The following STPG1 variants were observed in gnomAD, a reference collection of about 807,000 sequenced individuals.
STPG1 encodes the protein O(6)-methylguanine-induced apoptosis 2.
STPG1 carries 33 observed loss-of-function variants against 40.1 expected under a neutral mutation model. The ratio of observed to expected loss-of-function variants is 0.82; its 90% CI spans 0.62 to 1.10. The LOEUF is 1.10. Among genes scored for constraint, STPG1 ranks in the 50% least tolerant of loss-of-function variants. STPG1 has a pLI of 0.00. For synonymous variants in STPG1, 150 were observed against 155.0 expected (o/e 0.97, Z 0.24); for missense variants, 396 against 415.1 (o/e 0.95, Z 0.40).
At chr1:24,412,445 T>C (rs931984021) in intron 1 of STPG1, among the ~76,000 whole-genome samples, 9 of 152,216 alleles carry the variant, frequency 5.9e-5, no homozygotes, top group African/African-American at 2.2e-4. Flanking sequence ...CTGCTTTATC[T>C]TTTTCAAAGC....
chr1:24,396,970 G>C (rs1643031533), intron 2 of STPG1, among the ~76,000 whole-genome samples: 1 of 152,006 alleles, frequency 6.6e-6, no homozygotes, highest in Non-Finnish European at 1.5e-5. Flanking sequence ...TCAGAAATAA[G>C]TTAAAAGTAA....
At chr1:24,397,985 G>A (rs901485628) in intron 2 of STPG1, among the ~76,000 whole-genome samples, 8 of 152,054 alleles carry the variant, frequency 5.3e-5, no homozygotes, top group Non-Finnish European at 1.2e-4. Flanking sequence ...TAGATCATAT[G>A]TTTAACTTTT....
chr1:24,385,068 C>T (rs1029916549), intron 3 of STPG1, among the ~76,000 whole-genome samples: 12 of 152,202 alleles, frequency 7.9e-5, no homozygotes, highest in Non-Finnish European at 1.8e-4. Flanking sequence ...GACTCCAGAG[C>T]TTGCTGTCTC....
At chr1:24,394,201 G>A (rs1184080560) in intron 2 of STPG1, among the ~76,000 whole-genome samples, 2 of 152,178 alleles carry the variant, frequency 1.3e-5, no homozygotes, top group Non-Finnish European at 2.9e-5. Flanking sequence ...GAGTCACAGC[G>A]GGAAAACCTC....
At chr1:24,409,082 C>T (rs1280857700) in intron 1 of STPG1, among the ~76,000 whole-genome samples, 4 of 152,158 alleles carry the variant, frequency 2.6e-5, no homozygotes, top group Admixed American at 6.5e-5. Flanking sequence ...AAAGCAGCCC[C>T]TAGGGCTGGG....
chr1:24,370,825 T>C (rs1220351296), intron 6 of STPG1, among the ~76,000 whole-genome samples: 1 of 151,942 alleles, frequency 6.6e-6, no homozygotes, highest in Non-Finnish European at 1.5e-5. Flanking sequence ...CTCATTATTT[T>C]ACCCAGGCTG....
chr1:24,394,095 G>A (rs1466796378), intron 2 of STPG1, among the ~76,000 whole-genome samples: 1 of 152,198 alleles, frequency 6.6e-6, no homozygotes, highest in Non-Finnish European at 1.5e-5. Flanking sequence ...CATGGCATGA[G>A]AAAACTACCC....
intron 1 of STPG1, among the ~76,000 whole-genome samples, chr1:24,411,037 T>C (rs76756297): frequency 0.023 from 3,562 of 152,278 alleles, 143 homozygotes; most frequent in African/African-American, 0.081. Flanking sequence ...CCTCTTAGGC[T>C]GATCCATGTG....
chr1:24,406,129 GTC>G (rs1643405897), intron 1 of STPG1, among the ~76,000 whole-genome samples: 1 of 151,820 alleles, frequency 6.6e-6, no homozygotes, highest in African/African-American at 2.4e-5. Context: ...ATTGGCCCTT[GTC>G]TCTTTTTTTT....
chr1:24,411,465 G>T (rs781467484), intron 1 of STPG1, among the ~76,000 whole-genome samples: 1 of 152,098 alleles, frequency 6.6e-6, no homozygotes, highest in Non-Finnish European at 1.5e-5. Flanking sequence ...TTAGAAATAG[G>T]ATCTTGCTGT....
intron 5 of STPG1, 45 bp from the exon 6 acceptor site, chr1:24,373,855 C>T: frequency 4.3e-6 from 6 of 1,385,968 alleles, no homozygotes; most frequent in Non-Finnish European, 5.1e-6. Context: ...CCTTTCCTTT[C>T]TTTGTCTTCG....
At chr1:24,364,692 G>A (rs1273548107) in intron 7 of STPG1, among the ~76,000 whole-genome samples, 1 of 152,176 alleles carries the variant, frequency 6.6e-6, no homozygotes, top group Non-Finnish European at 1.5e-5. Flanking sequence ...ATGTCGAGGT[G>A]GGGCTGACAA....
intron 2 of STPG1, among the ~76,000 whole-genome samples, chr1:24,392,572 C>T (rs1338293312): frequency 6.6e-6 from 1 of 152,202 alleles, no homozygotes; most frequent in Non-Finnish European, 1.5e-5. Context: ...GCTTTCCAAC[C>T]ATAAGAAAAC....
chr1:24,367,128 C>T (rs951303696), intron 7 of STPG1, among the ~76,000 whole-genome samples: 3 of 152,336 alleles, frequency 2.0e-5, no homozygotes, highest in Non-Finnish European at 2.9e-5. Flanking sequence ...CCACCTAACC[C>T]GGCATTTTGC....
chr1:24,369,116 G>A (rs1641606154), intron 7 of STPG1: 38 of 332,034 alleles, frequency 1.1e-4, no homozygotes, highest in South Asian at 9.1e-4. Context: ...CAAGGTCACA[G>A]AGCATAAAAA....
At chr1:24,362,911 G>T (rs1033990822) in intron 7 of STPG1, among the ~76,000 whole-genome samples, 3 of 152,190 alleles carry the variant, frequency 2.0e-5, no homozygotes, top group Non-Finnish European at 4.4e-5. Context: ...ACTGGTTACA[G>T]GGTGTAATCA....
chr1:24,383,705 G>A (rs1220521769), intron 4 of STPG1, among the ~76,000 whole-genome samples, 197 bp downstream of exon 4: 1 of 152,224 alleles, frequency 6.6e-6, no homozygotes, highest in East Asian at 1.9e-4. Context: ...CACCCTGGCA[G>A]TGGGTAGAGA....
At position 24,396,555 on chromosome 1, in the gene STPG1, G is replaced by A. The variant is rs189466281; in HGVS notation, c.70+4764C>T. ...GTGCTGCCATTATGGAGTAAAAGCA[G>A]CCACAGACAATACATAAACAAACTG... On this transcript the variant is annotated intron_variant, in intron 2 of 8. Coordinates refer to ENST00000337248, the MANE Select transcript of STPG1 (RefSeq NM_001199013.2). Among the ~76,000 whole-genome samples the A allele has an allele frequency of 2.4e-3, 360 of 152,268 alleles. 3 individuals are homozygous for A. The highest frequency in any genetic ancestry group is 6.2e-3 in the African/African-American group (257 of 41,550).
intron 1 of STPG1, among the ~76,000 whole-genome samples, chr1:24,407,982 T>A (rs1643478026): frequency 6.6e-6 from 1 of 152,230 alleles, no homozygotes; most frequent in East Asian, 1.9e-4. Context: ...TCCTATTGGT[T>A]GATTTTCCTC....
Sources: gnomAD v4.1 joint callset for allele counts (sites outside exome capture counted in the v4.1 genomes callset) on GRCh38, gnomAD v4.1.1 for gene constraint, MANE v1.5 for transcripts, NCBI Gene and HGNC (gene_info 2026-07-23, HGNC 2026-07-21) for gene names.